AGBL4: variants seen among roughly 807,000 people sequenced by gnomAD.
AGBL4 encodes cytosolic carboxypeptidase 6.
A neutral mutation model predicts 66.4 loss-of-function variants in AGBL4; 58 were observed. That is an observed-to-expected ratio of 0.87 (90% CI 0.71 to 1.09). The LOEUF (loss-of-function observed/expected upper bound fraction) is 1.09, where lower values mean the gene tolerates loss of function less well. AGBL4 is among the 50% of genes least tolerant of loss of function. AGBL4 has a pLI of 0.00. For synonymous variants in AGBL4, 234 were observed against 222.9 expected (o/e 1.05, Z -0.44); for missense variants, 579 against 631.0 (o/e 0.92, Z 0.88).
intron 4 of AGBL4, among the ~76,000 whole-genome samples, chr1:49,127,609 G>C (rs751623909): frequency 3.9e-5 from 6 of 151,974 alleles, no homozygotes. Flanking sequence ...ACTCCATGAG[G>C]GCAGGCAAAC....
At chr1:48,569,710 C>T (rs374239246) in intron 11 of AGBL4, among the ~76,000 whole-genome samples, 3 of 152,054 alleles carry the variant, frequency 2.0e-5, no homozygotes, top group African/African-American at 7.3e-5. Context: ...TGGAGGAGGC[C>T]GACAGACCTG....
chr1:49,202,791 C>T (rs1181558136), intron 4 of AGBL4, among the ~76,000 whole-genome samples: 2 of 151,752 alleles, frequency 1.3e-5, no homozygotes, highest in Non-Finnish European at 2.9e-5. Context: ...TATTACACAG[C>T]AAAAGAAACA....
rs753334745 is a variant in AGBL4 at position 48,736,372 on chromosome 1, C to T, written c.635-73131G>A. 8 of 1,614,076 alleles carry T rather than the reference C, an allele frequency of 5.0e-6. No individual in the cohort carries two copies. The highest frequency in any genetic ancestry group is 2.7e-5 in the African/African-American group (2 of 74,994). On this transcript the variant is annotated intron_variant, in intron 6 of 13. Transcript: ENST00000371839. The surrounding 1 kb of genome is among the most constrained non-coding windows in gnomAD (Gnocchi z 4.0). ...CCCAAATCATAACTGCCAAGTTCTT[C>T]GTGTACTTGGAATCTCCTTGGGTTA... is the stretch of plus-strand genomic sequence containing the variant.
At chr1:48,861,671 C>A (rs1429990067) in intron 6 of AGBL4, among the ~76,000 whole-genome samples, 2 of 152,184 alleles carry the variant, frequency 1.3e-5, no homozygotes, top group Non-Finnish European at 2.9e-5. Context: ...TTCCCAGTGA[C>A]TTTCCAGACC....
intron 4 of AGBL4, among the ~76,000 whole-genome samples, chr1:49,078,694 G>C (rs1644755249): frequency 6.6e-6 from 1 of 152,054 alleles, no homozygotes; most frequent in African/African-American, 2.4e-5. Context: ...CACTGTAGCA[G>C]CCTCTCTACA....
intron 3 of AGBL4, among the ~76,000 whole-genome samples, chr1:49,267,573 G>T (rs1421903808): frequency 6.6e-6 from 1 of 152,066 alleles, no homozygotes; most frequent in East Asian, 1.9e-4. Context: ...CAAGCTACTC[G>T]AGAGGCTGAG....
intron 4 of AGBL4, among the ~76,000 whole-genome samples, chr1:49,195,682 T>A (rs1288054825): frequency 2.0e-5 from 3 of 152,200 alleles, no homozygotes; most frequent in Non-Finnish European, 2.9e-5. Context: ...ACCTCTTGTA[T>A]CTAGATATCT....
At chr1:48,869,002 A>G (rs2148826385) in intron 5 of AGBL4, among the ~76,000 whole-genome samples, 1 of 152,136 alleles carries the variant, frequency 6.6e-6, no homozygotes, top group Middle Eastern at 3.4e-3. Flanking sequence ...CCTGGTCTCA[A>G]ATCTCCCTCT....
At chr1:49,413,719 G>C (rs1392764925) in intron 3 of AGBL4, among the ~76,000 whole-genome samples, 1 of 152,154 alleles carries the variant, frequency 6.6e-6, no homozygotes, top group Non-Finnish European at 1.5e-5. Flanking sequence ...ATCACAATTT[G>C]CCTGATCTAT....
In AGBL4 at chr1:49,680,029, TTTC is replaced by T. The variant is rs1053258883; in HGVS notation, c.282+17281_282+17283del. 3.8e-4 allele frequency among the ~76,000 whole-genome samples: 57 copies of T among 151,356 alleles called. 2 individuals carry two copies. The East Asian group carries it at 9.7e-3, about 26-fold the overall frequency. ...AAATTCATTCATGATGTTCCAAGAT[TTTC>T]TTCTTCTTCTTCTTCCCTTTTTTTT... On this transcript the variant is annotated intron_variant, in intron 3 of 13. Transcript: ENST00000371839.
At chr1:49,880,374 C>G (rs1156955562) in intron 1 of AGBL4, among the ~76,000 whole-genome samples, 2 of 152,026 alleles carry the variant, frequency 1.3e-5, no homozygotes, top group Non-Finnish European at 2.9e-5. Context: ...AGTTTTCCTT[C>G]TAACAGACAG....
intron 1 of AGBL4, among the ~76,000 whole-genome samples, chr1:50,005,663 T>C (rs1436483984): frequency 6.6e-6 from 1 of 152,108 alleles, no homozygotes; most frequent in Admixed American, 6.5e-5. Flanking sequence ...ACTAAATAAG[T>C]CACCAGTGAC....
chr1:48,998,237 A>G (rs1456106996), intron 5 of AGBL4, among the ~76,000 whole-genome samples: 1 of 152,222 alleles, frequency 6.6e-6, no homozygotes, highest in East Asian at 1.9e-4. Flanking sequence ...GGCTCAGTTT[A>G]TAAATGTGGA....
chr1:49,806,133 T>C (rs1393363077), intron 2 of AGBL4, among the ~76,000 whole-genome samples: 2 of 152,306 alleles, frequency 1.3e-5, no homozygotes, highest in East Asian at 1.9e-4. Context: ...GTGGCTCTGA[T>C]GAAGGCTTAG....
chr1:48,698,783 C>T (rs1212855921), intron 6 of AGBL4, among the ~76,000 whole-genome samples: 2 of 152,192 alleles, frequency 1.3e-5, no homozygotes, highest in African/African-American at 4.8e-5. Context: ...TTTCACAACA[C>T]CCTGGCGAGG....
downstream of AGBL4, among the ~76,000 whole-genome samples, chr1:48,530,233 T>A (rs887625546): frequency 2.0e-5 from 3 of 152,176 alleles, no homozygotes; most frequent in Non-Finnish European, 4.4e-5. Flanking sequence ...TCATTTTTTC[T>A]CATCTTCGAA....
chr1:49,037,100 T>C (rs1050440759), intron 5 of AGBL4, among the ~76,000 whole-genome samples: 2 of 152,066 alleles, frequency 1.3e-5, no homozygotes, highest in Non-Finnish European at 2.9e-5. Flanking sequence ...ATGCTGGTTT[T>C]TACAGTTTAG....
intron 11 of AGBL4, among the ~76,000 whole-genome samples, chr1:48,542,069 C>T (rs1644081908): frequency 1.3e-5 from 2 of 152,144 alleles, no homozygotes; most frequent in African/African-American, 4.8e-5. Flanking sequence ...TAAACTTCCA[C>T]TTATGAGTGA....
intron 3 of AGBL4, among the ~76,000 whole-genome samples, chr1:49,559,487 GAA>G (rs1558050890): frequency 6.6e-6 from 1 of 152,164 alleles, no homozygotes; most frequent in African/African-American, 2.4e-5. Context: ...TCTTCCCAGA[GAA>G]GATTAACATT....
Sources: allele counts gnomAD v4.1 joint callset (sites outside exome capture counted in the v4.1 genomes callset), GRCh38; gene constraint gnomAD v4.1.1; non-coding constraint Gnocchi (gnomAD v3.1); transcripts MANE v1.5; gene names NCBI Gene and HGNC (gene_info 2026-07-23, HGNC 2026-07-21).